Variants in TEX14 observed in about 807,000 individuals in gnomAD.
The protein encoded by TEX14 is inactive serine/threonine-protein kinase TEX14.
TEX14 carries 168 observed loss-of-function variants against 178.6 expected under a neutral mutation model. The ratio of observed to expected loss-of-function variants is 0.94; its 90% CI spans 0.83 to 1.07. The LOEUF (loss-of-function observed/expected upper bound fraction) is 1.07, where lower values mean the gene tolerates loss of function less well. Ranked by LOEUF, TEX14 falls within the 50% of genes least tolerant of loss-of-function variation. The probability of loss-of-function intolerance (pLI) is 0.00; values close to 1 mark genes in which losing one functional copy is unlikely to be tolerated. For synonymous variants in TEX14, 626 were observed against 634.1 expected (o/e 0.99, Z 0.19); for missense variants, 1,730 against 1,753.6 (o/e 0.99, Z 0.24).
intron 1 of TEX14, among the ~76,000 whole-genome samples, chr17:58,668,755 G>T (rs1334107861): frequency 6.6e-6 from 1 of 152,108 alleles, no homozygotes; most frequent in Non-Finnish European, 1.5e-5. Context: ...GGATCACCCA[G>T]AAAGCATGTG....
intron 5 of TEX14, among the ~76,000 whole-genome samples, chr17:58,621,387 T>C (rs1459940460): frequency 6.6e-6 from 1 of 152,234 alleles, no homozygotes; most frequent in African/African-American, 2.4e-5. Flanking sequence ...ATGTTCTCCT[T>C]CTGCTAACCA....
At chr17:58,631,174 A>T in intron 2 of TEX14, 1 of 984,542 alleles carries the variant, frequency 1.0e-6, no homozygotes, top group African/African-American at 1.7e-5. Context: ...TTGAAATCCC[A>T]CAAGCCTGGA....
At chr17:58,610,455 C>T (rs2045717010) in intron 10 of TEX14, among the ~76,000 whole-genome samples, 1 of 152,176 alleles carries the variant, frequency 6.6e-6, no homozygotes, top group South Asian at 2.1e-4. Flanking sequence ...TGCTGACTGG[C>T]AGTGCAAAGA....
rs1016496921 is a variant in TEX14, at chr17:58,641,286, T to C, written c.136+10580A>G. Among the ~76,000 whole-genome samples the C allele has an allele frequency of 8.6e-4, 131 of 151,884 alleles. 1 individual carries two copies. Among genetic ancestry groups the C allele is most frequent in the African/African-American group, 3.0e-3 (126 of 41,512 alleles). Reference sequence around the variant, plus strand: ...TTAGCTGGGCGTGGTGGCACATGCCTGTAATCCCAGCTACTCGGGAGGCTG... The same window carrying C: ...TTAGCTGGGCGTGGTGGCACATGCCCGTAATCCCAGCTACTCGGGAGGCTG... On this transcript the variant is annotated intron_variant, in intron 2 of 31. Transcript: ENST00000349033.
chr17:58,652,745 G>T (rs1489155834), intron 1 of TEX14, among the ~76,000 whole-genome samples: 1 of 152,126 alleles, frequency 6.6e-6, no homozygotes, highest in East Asian at 1.9e-4. Flanking sequence ...ACTTTGAAAG[G>T]TTAGAACACA....
At chr17:58,565,255 G>A (rs1192754112) in intron 27 of TEX14, among the ~76,000 whole-genome samples, 1 of 152,134 alleles carries the variant, frequency 6.6e-6, no homozygotes, top group Admixed American at 6.5e-5. Context: ...AAGAAAGAAA[G>A]GGCACATAAA....
chr17:58,686,861 C>CTTT (rs71143271), intron 1 of TEX14, among the ~76,000 whole-genome samples: 17 of 71,536 alleles, frequency 2.4e-4, no homozygotes, highest in South Asian at 6.0e-4. Flanking sequence ...GAAAGGTCAC[C>CTTT]TTTTTTTTTT....
chr17:58,557,725 G>T, intron 31 of TEX14, 74 bp downstream of exon 31: 2 of 1,219,784 alleles, frequency 1.6e-6, no homozygotes, highest in Non-Finnish European at 2.4e-6. Context: ...TTAGACACTG[G>T]TAAATGTTTT....
chr17:58,589,274 A>T (rs923265089), intron 15 of TEX14, among the ~76,000 whole-genome samples: 18 of 151,316 alleles, frequency 1.2e-4, no homozygotes, highest in African/African-American at 4.4e-4. Flanking sequence ...AAAGAAAAAA[A>T]AGTGTAGGCT....
rs149115061 is a variant in TEX14, at chr17:58,687,208, C to T, written c.-2+4731G>A. On this transcript the variant is annotated intron_variant, in intron 1 of 31. Transcript: ENST00000349033. The stretch of plus-strand genomic sequence containing the variant: ...TCCCTGGCACTGAGGTTATCCACTG[C>T]GACATCTAGAGAATGCGGTCTTGCA... Among the ~76,000 whole-genome samples the T allele has an allele frequency of 9.9e-5, 15 of 152,194 alleles. No homozygotes were observed. In the East Asian group the frequency reaches 2.5e-3, roughly 25 times the overall value.
intron 24 of TEX14, 29 bp from the exon 25 acceptor site, chr17:58,570,513 G>T: frequency 6.9e-7 from 1 of 1,450,378 alleles, no homozygotes; most frequent in Non-Finnish European, 9.2e-7. Flanking sequence ...CATGGTAACT[G>T]TCATGTGTGT....
intron 18 of TEX14, 43 bp downstream of exon 18, chr17:58,585,758 C>G: frequency 1.9e-6 from 3 of 1,598,378 alleles, no homozygotes. Context: ...CCGACTGATA[C>G]TTGATTGAGT....
At chr17:58,657,333 C>G (rs867682805) in intron 1 of TEX14, among the ~76,000 whole-genome samples, 1 of 151,558 alleles carries the variant, frequency 6.6e-6, no homozygotes, top group Non-Finnish European at 1.5e-5. Flanking sequence ...GTCTGTGTGT[C>G]AGGGGGTGGA....
intron 1 of TEX14, among the ~76,000 whole-genome samples, chr17:58,656,925 C>CAAAAAAAAAAA (rs60626361): frequency 8.8e-5 from 7 of 79,522 alleles, no homozygotes; most frequent in Non-Finnish European, 1.5e-4. Flanking sequence ...TCCCATCTCA[C>CAAAAAAAAAAA]AAAAAAAAAA....
At chr17:58,607,229 G>A (rs548031523) in intron 10 of TEX14, among the ~76,000 whole-genome samples, 2 of 152,232 alleles carry the variant, frequency 1.3e-5, no homozygotes, top group East Asian at 3.9e-4. Flanking sequence ...AGGGTATGTT[G>A]TTACACCTGC....
intron 7 of TEX14, 131 bp downstream of exon 7, chr17:58,616,044 C>A: frequency 1.9e-6 from 2 of 1,077,450 alleles, no homozygotes; most frequent in East Asian, 2.5e-5. Flanking sequence ...GCTGAGAAAC[C>A]CTGATTTAGA....
chr17:58,641,488 T>TTATTA (rs1555577863), intron 2 of TEX14, among the ~76,000 whole-genome samples: 2 of 143,646 alleles, frequency 1.4e-5, no homozygotes, highest in African/African-American at 2.6e-5. Context: ...TTCTCTTTTA[T>TTATTA]TTATTATTAT....
chr17:58,692,021 G>C lies in TEX14; in HGVS notation c.-84C>G, dbSNP rs1018236385. 1 of 153,458 alleles carries C rather than the reference G, an allele frequency of 6.5e-6. No homozygotes were observed. The highest frequency in any genetic ancestry group is 2.4e-5 in the African/African-American group (1 of 41,176). 9.5% of individuals were successfully genotyped at this position (153,458 alleles called of 1,614,324 possible). A position where few individuals can be genotyped will look rare whatever the true frequency, so the allele number is the denominator to read the frequency against. ...TCCATGCTCGGGATACGACTCCCGG[G>C]AAGACGTGGGTGGGTGCGGGGAATG... is the stretch of plus-strand genomic sequence containing the variant. On this transcript the variant is annotated 5_prime_UTR_variant, in exon 1 of 32. Transcript: ENST00000349033.
chr17:58,571,619 AGAG>A (rs1341048115), intron 24 of TEX14, among the ~76,000 whole-genome samples: 5 of 152,158 alleles, frequency 3.3e-5, no homozygotes, highest in Non-Finnish European at 7.3e-5. Context: ...AAGTAGAAGA[AGAG>A]GAGGAGAAGA....
Sources: gnomAD v4.1 joint callset for allele counts (sites outside exome capture counted in the v4.1 genomes callset) on GRCh38, gnomAD v4.1.1 for gene constraint, MANE v1.5 for transcripts, NCBI Gene and HGNC (gene_info 2026-07-23, HGNC 2026-07-21) for gene names.